The following PAX3 variants were observed in gnomAD, a reference collection of about 807,000 sequenced individuals.
PAX3 encodes paired box protein Pax-3.
In PAX3, 14 loss-of-function variants were observed where a neutral mutation model predicts 51.6. That is an observed-to-expected ratio of 0.27 (90% CI 0.18 to 0.42). The LOEUF is 0.42. PAX3 is among the 10% of genes least tolerant of loss of function. The pLI is 1.00. For synonymous variants in PAX3, 280 were observed against 253.4 expected (o/e 1.11, Z -1.00); for missense variants, 540 against 642.8 (o/e 0.84, Z 1.73).
Position 222,232,271 on chromosome 2 carries a change from T to G in PAX3, c.599A>C (p.Gln200Pro). 1 of 1,613,630 alleles carries G rather than the reference T, an allele frequency of 6.2e-7. No individual in the cohort carries two copies. Among genetic ancestry groups the G allele is most frequent in the Non-Finnish European group, 8.5e-7 (1 of 1,179,578 alleles). Residue 200 changes from glutamine (Q) to proline (P), a missense_variant, in exon 5 of 9, where the codon CAA becomes CCA. Physicochemically the swap from Gln to Pro is moderately conservative, Grantham distance 76. Coordinates refer to ENST00000392070, the MANE Select transcript of PAX3 (RefSeq NM_181458.4). ...GILSERASAP[Q>P]SDEGSDIDSE... ...GTCAATATCAGAGCCTTCATCTGAT[T>G]GGGGTGCTGAGGCTAAAAGCACAGA... is the stretch of plus-strand genomic sequence containing the variant.
In PAX3 at chr2:222,295,503, G is replaced by A. The variant is rs189139166; in HGVS notation, c.451+25C>T. On this transcript the variant is annotated intron_variant, in intron 3 of 8. Coordinates refer to ENST00000392070, the MANE Select transcript of PAX3 (RefSeq NM_181458.4). Reference sequence around the variant, plus strand: ...TAATAGCGACTGACTGTCGCGCCTCGGGGAGAGGTTAATGGGCCTAGTACC... The same window carrying A: ...TAATAGCGACTGACTGTCGCGCCTCAGGGAGAGGTTAATGGGCCTAGTACC... The A allele has an allele frequency of 4.3e-6, 7 of 1,613,844 alleles. No homozygotes were observed. The African/African-American group carries it at 8.0e-5, about 18-fold the overall frequency.
intron 4 of PAX3, among the ~76,000 whole-genome samples, chr2:222,245,815 C>CAA (rs10628623): frequency 0.25 from 34,464 of 135,228 alleles, 4,602 homozygotes; most frequent in East Asian, 0.37. Flanking sequence ...ACTAAAAATA[C>CAA]AAAAAAAAAA....
intron 4 of PAX3, among the ~76,000 whole-genome samples, chr2:222,246,471 CATTAT>C (rs1177707894): frequency 6.6e-6 from 1 of 152,134 alleles, no homozygotes; most frequent in African/African-American, 2.4e-5. Flanking sequence ...AAGTACATTA[CATTAT>C]AAAATAAAAT....
At position 222,221,756 on chromosome 2, in the gene PAX3, C is replaced by T. The variant is rs1003410846; in HGVS notation, c.793-369G>A. ...GGGAGGATACATGAGCCTCTGTGAC[C>T]CCTGCATGACGCATGTCCTAAATGT... On this transcript the variant is annotated intron_variant, in intron 5 of 8. Coordinates refer to ENST00000392070, the MANE Select transcript of PAX3 (RefSeq NM_181458.4). 21 of 279,208 alleles carry T rather than the reference C, an allele frequency of 7.5e-5. No individual in the cohort carries two copies. In the Admixed American group the frequency reaches 9.8e-4, roughly 13 times the overall value. 17.3% of individuals were successfully genotyped at this position (279,208 alleles called of 1,614,324 possible).
At chr2:222,281,555 C>A (rs765698606) in intron 4 of PAX3, among the ~76,000 whole-genome samples, 12 of 152,196 alleles carry the variant, frequency 7.9e-5, no homozygotes, top group Non-Finnish European at 1.5e-4. Flanking sequence ...TAAAGCTTGG[C>A]CACTATGGGC....
At chr2:222,263,088 C>G (rs1425071475) in intron 4 of PAX3, 1 of 152,100 alleles carries the variant, frequency 6.6e-6, no homozygotes, top group Non-Finnish European at 1.5e-5. Context: ...AAAAGCACAA[C>G]TGATAAAATA....
chr2:222,283,789 G>T (rs1694730890), intron 4 of PAX3, among the ~76,000 whole-genome samples: 1 of 152,248 alleles, frequency 6.6e-6, no homozygotes, highest in Non-Finnish European at 1.5e-5. Flanking sequence ...GCATAAACTG[G>T]CTGTGCCCCA....
chr2:222,213,834 G>C (rs1691845966), intron 7 of PAX3, among the ~76,000 whole-genome samples: 1 of 152,180 alleles, frequency 6.6e-6, no homozygotes, highest in African/African-American at 2.4e-5. Flanking sequence ...TTATCAACAA[G>C]ACTAGCATCA....
Position 222,255,917 on chromosome 2 carries a change from A to ATTTTTTTTTTTTTTTTTTTTT in PAX3, c.587-23655_587-23635dup, listed in dbSNP as rs57757180. Among the ~76,000 whole-genome samples, 8 of 98,346 alleles carry ATTTTTTTTTTTTTTTTTTTTT rather than the reference A, an allele frequency of 8.1e-5. 1 individual carries two copies. Among genetic ancestry groups the ATTTTTTTTTTTTTTTTTTTTT allele is most frequent in the Admixed American group, 1.3e-4 (1 of 7,882 alleles). The allele number at this position is 98,346 out of a possible 152,430, so 64.5% of individuals were successfully genotyped here. A position where few individuals can be genotyped will look rare whatever the true frequency, so the allele number is the denominator to read the frequency against. ...AGGTGCACGCCACTACGCCCAGCTA[A>ATTTTTTTTTTTTTTTTTTTTT]TTTTTTTTTTTTTTTTTTTTTTTGT... On this transcript the variant is annotated intron_variant, in intron 4 of 8. Transcript: ENST00000392070.
At chr2:222,252,329 C>G (rs985242185) in intron 4 of PAX3, among the ~76,000 whole-genome samples, 2 of 152,144 alleles carry the variant, frequency 1.3e-5, no homozygotes, top group African/African-American at 2.4e-5. Flanking sequence ...TACTATGCAC[C>G]AGGTGCCATG....
chr2:222,214,540 C>G (rs1185738508), intron 7 of PAX3: 1 of 152,016 alleles, frequency 6.6e-6, no homozygotes, highest in African/African-American at 2.4e-5. Flanking sequence ...GTGTAAAGAG[C>G]TATCTGCTCT....
intron 4 of PAX3, among the ~76,000 whole-genome samples, chr2:222,288,318 T>C (rs1354947816): frequency 1.3e-5 from 2 of 152,214 alleles, no homozygotes; most frequent in African/African-American, 2.4e-5. Flanking sequence ...CTAAATATAG[T>C]TTAGTGCCAG....
intron 7 of PAX3, among the ~76,000 whole-genome samples, chr2:222,203,728 AG>A (rs1476183467): frequency 2.6e-5 from 4 of 152,168 alleles, no homozygotes; most frequent in African/African-American, 9.7e-5. Context: ...CCCTTTGGGA[AG>A]GGTTTGCATA....
chr2:222,270,015 G>A (rs1284488232), intron 4 of PAX3, among the ~76,000 whole-genome samples: 1 of 152,130 alleles, frequency 6.6e-6, no homozygotes, highest in Non-Finnish European at 1.5e-5. Flanking sequence ...TTCTTACAAA[G>A]AAATCACCAT....
At chr2:222,240,689 G>A (rs768190348) in intron 4 of PAX3, among the ~76,000 whole-genome samples, 1 of 152,154 alleles carries the variant, frequency 6.6e-6, no homozygotes, top group Non-Finnish European at 1.5e-5. Context: ...AACTCCTTTC[G>A]AAGGCTTAAA....
At chr2:222,262,421 CT>C in intron 4 of PAX3, 1 of 152,156 alleles carries the variant, frequency 6.6e-6, no homozygotes, top group Non-Finnish European at 1.5e-5. Context: ...CACCATTTTA[CT>C]AAAACTGAGC....
intron 4 of PAX3, among the ~76,000 whole-genome samples, chr2:222,260,886 C>T (rs748849862): frequency 1.2e-4 from 18 of 151,736 alleles, no homozygotes; most frequent in Non-Finnish European, 1.9e-4. Context: ...TGCACCATGC[C>T]GCAACACAAG....
intron 4 of PAX3, among the ~76,000 whole-genome samples, chr2:222,268,459 A>G (rs1468187345): frequency 6.6e-6 from 1 of 151,500 alleles, no homozygotes; most frequent in African/African-American, 2.4e-5. Context: ...AGCCCTACCT[A>G]CTATCCGCCT....
intron 4 of PAX3, among the ~76,000 whole-genome samples, chr2:222,279,506 G>A (rs949601353): frequency 3.3e-5 from 5 of 152,234 alleles, no homozygotes; most frequent in African/African-American, 1.2e-4. Context: ...TGGTAGAGGA[G>A]GGTTAGGTGG....
Sources: allele counts gnomAD v4.1 joint callset (sites outside exome capture counted in the v4.1 genomes callset), GRCh38; gene constraint gnomAD v4.1.1; transcripts MANE v1.5; gene names NCBI Gene and HGNC (gene_info 2026-07-23, HGNC 2026-07-21).